The following NDE1 variants were observed in gnomAD, a reference collection of about 807,000 sequenced individuals.
NDE1 encodes nuclear distribution protein nudE homolog 1.
In NDE1, 28 loss-of-function variants were observed where a neutral mutation model predicts 43.4. The observed-to-expected ratio is 0.65, with a 90% CI of 0.48 to 0.89. The LOEUF (loss-of-function observed/expected upper bound fraction) is 0.89. NDE1 is among the 40% of genes least tolerant of loss of function. The probability of loss-of-function intolerance (pLI) is 0.00; values close to 1 mark genes in which losing one functional copy is unlikely to be tolerated. For missense variants in NDE1, 441 were observed against 434.1 expected (o/e 1.02, Z -0.14); for synonymous variants, 184 against 172.0 (o/e 1.07, Z -0.55).
In NDE1 at chr16:15,687,507, C is replaced by T; in HGVS notation, c.519C>T (p.Ala173=). The change falls in exon 5 of 9, where the codon GCC becomes GCT. Residue 173 remains alanine (A), a synonymous_variant. Transcript: ENST00000396354. Reference sequence around the variant, plus strand: ...CTGTTCAGAGACTGAAGGATGAAGCCAGAGGTCAGGAGGCCTTGGTGTCTT... The same window carrying T: ...CTGTTCAGAGACTGAAGGATGAAGCTAGAGGTCAGGAGGCCTTGGTGTCTT... ...LESVQRLKDE[A]RDLRQELAVQ... is the part of the protein sequence containing the mutation. 1 of 1,613,882 alleles carries T rather than the reference C, an allele frequency of 6.2e-7. No homozygotes were observed. Among genetic ancestry groups the T allele is most frequent in the Non-Finnish European group, 8.5e-7 (1 of 1,179,912 alleles).
intron 3 of NDE1, among the ~76,000 whole-genome samples, chr16:15,674,437 C>CG (rs2037762490): frequency 6.6e-6 from 1 of 151,890 alleles, no homozygotes; most frequent in Non-Finnish European, 1.5e-5. Flanking sequence ...TTGGTAGAGA[C>CG]GGGGTTTCAC....
intron 3 of NDE1, among the ~76,000 whole-genome samples, chr16:15,669,787 G>A (rs1472087921): frequency 5.9e-5 from 9 of 152,266 alleles, no homozygotes; most frequent in Admixed American, 4.6e-4. Context: ...GAGTCACCCC[G>A]CCTGACCACA....
rs2040706536 is a variant in NDE1, at chr16:15,725,454, A to G, written c.*1203A>G. On this transcript the variant is annotated 3_prime_UTR_variant, in exon 9 of 9. Coordinates refer to ENST00000396354, the MANE Select transcript of NDE1 (RefSeq NM_017668.3). ...TCCCATCCCTTCCTTCCTCACTCCT[A>G]CTCTTTGACCCTGATGGCCAAAGCC... 2.3e-6 allele frequency: 1 copy of G among 431,382 alleles called. No homozygotes were observed. The highest frequency in any genetic ancestry group is 4.0e-6 in the Non-Finnish European group (1 of 252,738). The allele number at this position is 431,382 out of a possible 1,614,324, so 26.7% of individuals were successfully genotyped here. A position where few individuals can be genotyped will look rare whatever the true frequency, so the allele number is the denominator to read the frequency against.
At chr16:15,675,598 G>C (rs1236408245) in intron 3 of NDE1, among the ~76,000 whole-genome samples, 1 of 151,928 alleles carries the variant, frequency 6.6e-6, no homozygotes, top group Non-Finnish European at 1.5e-5. Context: ...CACCACGCCT[G>C]GCTGTTTTCA....
intron 3 of NDE1, among the ~76,000 whole-genome samples, chr16:15,674,545 G>A (rs1376067859): frequency 6.6e-6 from 1 of 151,884 alleles, no homozygotes; most frequent in Non-Finnish European, 1.5e-5. Context: ...CACTGCTCCC[G>A]GCCTGTCTTT....
intron 8 of NDE1, chr16:15,718,953 C>A: frequency 2.1e-6 from 1 of 475,252 alleles, no homozygotes; most frequent in Non-Finnish European, 3.8e-6. Context: ...CATGGTGAAA[C>A]CCCACCTCTA....
chr16:15,690,345 T>TTTTTG (rs2038677906), intron 5 of NDE1, among the ~76,000 whole-genome samples: 1 of 109,114 alleles, frequency 9.2e-6, no homozygotes, highest in Non-Finnish European at 1.7e-5. Context: ...GCCTTTTTTT[T>TTTTTG]TTTTTTTCTT....
intron 8 of NDE1, among the ~76,000 whole-genome samples, chr16:15,699,059 T>A (rs931032965): frequency 6.6e-5 from 10 of 151,568 alleles, no homozygotes; most frequent in Non-Finnish European, 4.4e-5. Flanking sequence ...TAATTTTTTT[T>A]ATATTTTATA....
At chr16:15,707,912 C>T (rs930416287) in intron 8 of NDE1, among the ~76,000 whole-genome samples, 2 of 140,644 alleles carry the variant, frequency 1.4e-5, no homozygotes, top group Non-Finnish European at 3.0e-5. Flanking sequence ...GCAAAGGTTG[C>T]GGTGAGCCAA....
chr16:15,650,368 C>G, intron 1 of NDE1, 74 bp downstream of exon 1: 1 of 188,954 alleles, frequency 5.3e-6, no homozygotes, highest in Non-Finnish European at 1.1e-5. Context: ...AAAAGCTCCT[C>G]TGCCCCGCCC....
chr16:15,702,110 T>C (rs945907292), intron 8 of NDE1: 2 of 152,246 alleles, frequency 1.3e-5, no homozygotes, highest in Non-Finnish European at 2.9e-5. Context: ...TATTAGCATC[T>C]GGTCACAAGA....
In NDE1 at chr16:15,725,034, G is replaced by A. The variant is rs1178058463; in HGVS notation, c.*783G>A. ...ACTGGTTAGTCAAAGCCTCTAGAAG[G>A]GGATCCTCGTTGAAAGGAGCCCTTT... On this transcript the variant is annotated 3_prime_UTR_variant, in exon 9 of 9. Coordinates refer to ENST00000396354, the MANE Select transcript of NDE1 (RefSeq NM_017668.3). 1.3e-6 allele frequency: 2 copies of A among 1,567,944 alleles called. No individual in the cohort carries two copies. The highest frequency in any genetic ancestry group is 1.8e-6 in the Non-Finnish European group (2 of 1,142,588).
chr16:15,706,494 G>A (rs1379059823), intron 8 of NDE1, among the ~76,000 whole-genome samples: 1 of 152,162 alleles, frequency 6.6e-6, no homozygotes, highest in African/African-American at 2.4e-5. Context: ...TCACTCGTGA[G>A]GTCAGTTGTT....
chr16:15,714,824 C>T lies in NDE1; in HGVS notation c.948-9367C>T, dbSNP rs549331801. The T allele has an allele frequency of 1.7e-4, 255 of 1,519,876 alleles. 3 individuals are homozygous for T. In the East Asian group the frequency reaches 4.9e-3, roughly 29 times the overall value. 94.1% of individuals were successfully genotyped at this position (1,519,876 alleles called of 1,614,324 possible). On this transcript the variant is annotated intron_variant, in intron 8 of 8. Coordinates refer to ENST00000396354, the MANE Select transcript of NDE1 (RefSeq NM_017668.3). ...GAGTGGCGGCTGTGGGCACAAGGGG[C>T]ATTTGCAGGCCGAAAGGAGCCCGAG...
chr16:15,645,194 T>C (rs1357471789), intron 1 of NDE1, among the ~76,000 whole-genome samples: 1 of 152,196 alleles, frequency 6.6e-6, no homozygotes, highest in African/African-American at 2.4e-5. Flanking sequence ...ATTACAGGGC[T>C]GAGCCAACGA....
chr16:15,679,136 T>C (rs2891091), intron 4 of NDE1, among the ~76,000 whole-genome samples: 3 of 152,122 alleles, frequency 2.0e-5, no homozygotes, highest in African/African-American at 4.8e-5. Context: ...GTTTTTTCTT[T>C]TATTTATTTT....
intron 1 of NDE1, among the ~76,000 whole-genome samples, chr16:15,660,119 G>A (rs1453342152): frequency 1.3e-5 from 2 of 152,064 alleles, no homozygotes; most frequent in East Asian, 3.8e-4. Context: ...CAGAAAATAG[G>A]TGATTACATC....
At position 15,691,187 on chromosome 16, in the gene NDE1, C is replaced by T. The variant is rs1310350432; in HGVS notation, c.567C>T (p.Pro189=). 6.2e-7 allele frequency: 1 copy of T among 1,614,122 alleles called. No homozygotes were observed. Among genetic ancestry groups the T allele is most frequent in the Non-Finnish European group, 8.5e-7 (1 of 1,180,028 alleles). Residue 189 remains proline (P), a synonymous_variant, in exon 6 of 9, where the codon CCC becomes CCT. Transcript: ENST00000396354. The stretch of plus-strand genomic sequence containing the variant: ...CCGTGCAGCAGAAGCAGGAGAAACC[C>T]AGGACCCCCATGCCCAGCTCAGTGG... ...ELAVQQKQEK[P]RTPMPSSVEA... is the part of the protein sequence containing the mutation.
chr16:15,649,683 CCA>C (rs1362534826), upstream of NDE1, among the ~76,000 whole-genome samples: 1 of 152,178 alleles, frequency 6.6e-6, no homozygotes, highest in Non-Finnish European at 1.5e-5. Context: ...TTTCCCAAGA[CCA>C]CACAGTTAGT....
Sources: allele counts gnomAD v4.1 joint callset (sites outside exome capture counted in the v4.1 genomes callset), GRCh38; gene constraint gnomAD v4.1.1; transcripts MANE v1.5; gene names NCBI Gene and HGNC (gene_info 2026-07-23, HGNC 2026-07-21).